Variants in EEPD1 observed in about 807,000 individuals in gnomAD.
The protein encoded by EEPD1 is endonuclease/exonuclease/phosphatase family domain containing 1.
Under a neutral mutation model 46.3 loss-of-function variants are expected in EEPD1, and 17 were observed. That is an observed-to-expected ratio of 0.37 (90% CI 0.25 to 0.55). The LOEUF is 0.55. Ranked by LOEUF, EEPD1 falls within the 20% of genes least tolerant of loss-of-function variation. The pLI, the probability that EEPD1 is intolerant of heterozygous loss-of-function variation, is 0.83. For synonymous variants in EEPD1, 313 were observed against 315.6 expected (o/e 0.99, Z 0.09); for missense variants, 673 against 745.6 (o/e 0.90, Z 1.13).
At chr7:36,195,869 T>C (rs1349108618) in intron 2 of EEPD1, among the ~76,000 whole-genome samples, 5 of 152,218 alleles carry the variant, frequency 3.3e-5, no homozygotes, top group African/African-American at 7.2e-5. Flanking sequence ...TAAATATATG[T>C]AGTCATGCCT....
At chr7:36,214,304 G>C (rs1430990540) in intron 2 of EEPD1, among the ~76,000 whole-genome samples, 2 of 152,170 alleles carry the variant, frequency 1.3e-5, no homozygotes, top group Non-Finnish European at 2.9e-5. Flanking sequence ...TCATGGCTCT[G>C]GGTCCACTGG....
chr7:36,196,678 T>C (rs1785596733), intron 2 of EEPD1, among the ~76,000 whole-genome samples: 1 of 152,202 alleles, frequency 6.6e-6, no homozygotes, highest in Non-Finnish European at 1.5e-5. Context: ...CCTCCCGAAG[T>C]GCCGGGATTG....
At chr7:36,156,915 G>A (rs558027841) in intron 2 of EEPD1, among the ~76,000 whole-genome samples, 118 of 152,184 alleles carry the variant, frequency 7.8e-4, no homozygotes, top group African/African-American at 2.6e-3. Context: ...AGGTCTAGTC[G>A]GCCCTCCATA....
intron 2 of EEPD1, among the ~76,000 whole-genome samples, chr7:36,209,041 G>A (rs148166654): frequency 1.3e-5 from 2 of 152,328 alleles, no homozygotes; most frequent in Non-Finnish European, 2.9e-5. Context: ...CCTTCGACAA[G>A]TTGTGCAACC....
At chr7:36,246,162 GCTGC>G (rs1371668242) in intron 3 of EEPD1, among the ~76,000 whole-genome samples, 2 of 152,218 alleles carry the variant, frequency 1.3e-5, no homozygotes, top group Non-Finnish European at 2.9e-5. Context: ...TGCCTGAGAA[GCTGC>G]CTGTGTGAGC....
At chr7:36,247,092 C>T (rs1207764234) in intron 3 of EEPD1, among the ~76,000 whole-genome samples, 3 of 139,410 alleles carry the variant, frequency 2.2e-5, no homozygotes, top group Admixed American at 7.7e-5. Context: ...CATTGCACTA[C>T]AGCCTGGGTG....
At chr7:36,218,382 G>C (rs1440403040) in intron 2 of EEPD1, among the ~76,000 whole-genome samples, 2 of 132,058 alleles carry the variant, frequency 1.5e-5, no homozygotes, top group Non-Finnish European at 3.3e-5. Flanking sequence ...GGAGGGGGAG[G>C]AAGAGGAGGA....
intron 2 of EEPD1, among the ~76,000 whole-genome samples, chr7:36,217,771 C>T (rs1351996898): frequency 6.6e-6 from 1 of 152,144 alleles, no homozygotes; most frequent in Admixed American, 6.5e-5. Context: ...TTGCTTTTTA[C>T]TGATTAGAGA....
In EEPD1 at chr7:36,221,106, G is replaced by C. The variant is rs139696712; in HGVS notation, c.879-17879G>C. Among the ~76,000 whole-genome samples the C allele has an allele frequency of 3.9e-3, 593 of 152,324 alleles. 2 individuals carry two copies. Among genetic ancestry groups the C allele is most frequent in the Middle Eastern group, 0.014 (4 of 294 alleles). ...TTACAGGCGTGAGCCACTGCGTCCA[G>C]CCAACTACACTGAATTTGTAAATTA... On this transcript the variant is annotated intron_variant, in intron 2 of 7. Transcript: ENST00000242108.
Position 36,296,687 on chromosome 7 carries a change from C to G in EEPD1, c.1316-306C>G, listed in dbSNP as rs986411881. ...TTTTGTTAAATATTTGGGTAAGACC[C>G]TTAGGTCTTTTTTTTTTTTTTTTTT... On this transcript the variant is annotated intron_variant, in intron 6 of 7. Transcript: ENST00000242108. 3.8e-5 allele frequency among the ~76,000 whole-genome samples: 5 copies of G among 132,102 alleles called. No individual in the cohort carries two copies. The East Asian group carries it at 1.2e-3, about 31-fold the overall frequency. The allele number at this position is 132,102 out of a possible 152,430, so 86.7% of individuals were successfully genotyped here.
At chr7:36,285,527 T>C (rs535706839) in intron 5 of EEPD1, among the ~76,000 whole-genome samples, 2 of 152,086 alleles carry the variant, frequency 1.3e-5, no homozygotes, top group Non-Finnish European at 2.9e-5. Flanking sequence ...CCGGATGCCC[T>C]TGGGAAGTGT....
At chr7:36,238,928 C>A in intron 2 of EEPD1, 57 bp from the exon 3 acceptor site, 1 of 1,551,842 alleles carries the variant, frequency 6.4e-7, no homozygotes, top group Non-Finnish European at 8.7e-7. Context: ...GTTAGATGAT[C>A]CTTGGTGACA....
chr7:36,200,274 C>T (rs763119458), intron 2 of EEPD1, among the ~76,000 whole-genome samples: 6 of 152,054 alleles, frequency 3.9e-5, no homozygotes, highest in South Asian at 2.1e-4. Flanking sequence ...GGATGATGGC[C>T]GCCAGTTCCG....
chr7:36,214,167 C>A (rs1042968044), intron 2 of EEPD1, among the ~76,000 whole-genome samples: 12 of 152,138 alleles, frequency 7.9e-5, no homozygotes, highest in African/African-American at 2.7e-4. Context: ...TGGATCGATT[C>A]TGTCCAGAGC....
At chr7:36,281,502 C>T (rs1041886867) in intron 4 of EEPD1, among the ~76,000 whole-genome samples, 38 of 152,160 alleles carry the variant, frequency 2.5e-4, no homozygotes, top group African/African-American at 6.5e-4. Context: ...TGTCCTTTGT[C>T]CTTCTAATCC....
chr7:36,252,627 GCA>G (rs3999900), intron 3 of EEPD1, among the ~76,000 whole-genome samples: 70,854 of 151,600 alleles, frequency 0.47, 16,848 homozygotes, highest in Non-Finnish European at 0.5. Context: ...CAGGGAAAAT[GCA>G]CACGTGTATT....
At chr7:36,251,599 T>C (rs1786740222) in intron 3 of EEPD1, among the ~76,000 whole-genome samples, 1 of 152,178 alleles carries the variant, frequency 6.6e-6, no homozygotes, top group Non-Finnish European at 1.5e-5. Context: ...CATGAGCCAC[T>C]GTGCCTGGCC....
At chr7:36,220,135 A>G (rs1487369741) in intron 2 of EEPD1, among the ~76,000 whole-genome samples, 1 of 152,160 alleles carries the variant, frequency 6.6e-6, no homozygotes, top group African/African-American at 2.4e-5. Flanking sequence ...GTTGTTTCTC[A>G]TGCTTCCTCC....
intron 6 of EEPD1, among the ~76,000 whole-genome samples, chr7:36,290,043 C>T (rs186828483): frequency 7.2e-5 from 11 of 152,326 alleles, no homozygotes; most frequent in African/African-American, 2.4e-4. Context: ...ATCCAAGAAG[C>T]AACTGTGTGG....
Sources: allele counts gnomAD v4.1 joint callset (sites outside exome capture counted in the v4.1 genomes callset), GRCh38; gene constraint gnomAD v4.1.1; transcripts MANE v1.5; gene names NCBI Gene and HGNC (gene_info 2026-07-23, HGNC 2026-07-21).